LYG1: variants seen among roughly 807,000 people sequenced by gnomAD.
The protein encoded by LYG1 is lysozyme g1, also known as lysozyme g-like protein 1.
LYG1 carries 17 observed loss-of-function variants against 21.7 expected under a neutral mutation model. That is an observed-to-expected ratio of 0.78 (90% CI 0.54 to 1.18). The LOEUF is 1.18. Among genes scored for constraint, LYG1 ranks in the 50% most tolerant of loss-of-function variants. LYG1 has a pLI of 0.00. For synonymous variants in LYG1, 81 were observed against 87.4 expected, an observed-to-expected ratio of 0.93 and a Z score of 0.41; for missense variants, 211 against 238.1, an observed-to-expected ratio of 0.89 and a Z score of 0.75.
rs564113870 is a variant in LYG1, at chr2:99,289,598, G to A, written c.333+1639C>T. On this transcript the variant is annotated intron_variant, in intron 5 of 6. Transcript: ENST00000308528. ...CTTTCACTGCTGCTTCAGCTTAAGG[G>A]TGTAACTCAGTTAATGACTGAGTTA... Among the ~76,000 whole-genome samples the A allele has an allele frequency of 2.0e-5, 3 of 152,278 alleles. No individual in the cohort carries two copies. The East Asian group carries it at 5.8e-4, about 29-fold the overall frequency.
chr2:99,301,335 C>T (rs1289854552), upstream of LYG1, among the ~76,000 whole-genome samples: 1 of 150,602 alleles, frequency 6.6e-6, no homozygotes, highest in East Asian at 1.9e-4. Context: ...AGGTCCAACA[C>T]TTGTCTTTAT....
intron 5 of LYG1, 31 bp downstream of exon 5, chr2:99,291,206 T>C: frequency 4.4e-6 from 7 of 1,602,866 alleles, no homozygotes; most frequent in Non-Finnish European, 6.0e-6. Flanking sequence ...CATAGCAGAA[T>C]GGCCACATGT....
chr2:99,297,618 T>C (rs2094140685), intron 2 of LYG1, among the ~76,000 whole-genome samples: 1 of 152,210 alleles, frequency 6.6e-6, no homozygotes, highest in Non-Finnish European at 1.5e-5. Flanking sequence ...TGCCACTTAA[T>C]GGGAACACAG....
intron 5 of LYG1, among the ~76,000 whole-genome samples, chr2:99,287,733 A>C (rs1424188111): frequency 6.6e-6 from 1 of 151,942 alleles, no homozygotes; most frequent in African/African-American, 2.4e-5. Flanking sequence ...ATGTATTTTA[A>C]ATTTCCATAT....
intron 5 of LYG1, among the ~76,000 whole-genome samples, chr2:99,288,781 G>A (rs2094109818): frequency 6.6e-6 from 1 of 152,086 alleles, no homozygotes; most frequent in Admixed American, 6.6e-5. Context: ...TGTTGGCCAG[G>A]CTGGTTTCAA....
intron 3 of LYG1, among the ~76,000 whole-genome samples, chr2:99,294,064 G>T (rs2094129193): frequency 6.6e-6 from 1 of 152,108 alleles, no homozygotes; most frequent in African/African-American, 2.4e-5. Flanking sequence ...TGGGACCACA[G>T]GCACAAGCCA....
intron 5 of LYG1, among the ~76,000 whole-genome samples, chr2:99,289,371 G>C (rs1018872019): frequency 6.6e-6 from 1 of 151,718 alleles, no homozygotes; most frequent in Non-Finnish European, 1.5e-5. Flanking sequence ...GAGGAGGATC[G>C]TGTGAGCCCA....
intron 2 of LYG1, 113 bp from the exon 3 acceptor site, chr2:99,295,815 C>G: frequency 1.0e-6 from 1 of 1,001,866 alleles, no homozygotes; most frequent in East Asian, 2.4e-5. Context: ...CATATCTGAC[C>G]TAAGAAAATG....
In LYG1 at chr2:99,284,375, T is replaced by C. The variant is rs758316188; in HGVS notation, c.*18A>G. Reference sequence around the variant, plus strand: ...GAGGCTGCATATGTGATCATGGTCTTGGGTTTCATCTGAGATGTTAGAAGC... The same window carrying C: ...GAGGCTGCATATGTGATCATGGTCTCGGGTTTCATCTGAGATGTTAGAAGC... On this transcript the variant is annotated 3_prime_UTR_variant, in exon 7 of 7. Coordinates refer to ENST00000308528, the MANE Select transcript of LYG1 (RefSeq NM_174898.3). 3.7e-6 allele frequency: 6 copies of C among 1,609,468 alleles called. No individual in the cohort carries two copies. In the Middle Eastern group the frequency reaches 5.0e-4, roughly 133 times the overall value.
chr2:99,291,308 C>T lies in LYG1; in HGVS notation c.262G>A (p.Gly88Ser), dbSNP rs769781137. ...KYCMDPAVIAGVLSRKSPGDK... is the reference protein window; with the variant it reads ...KYCMDPAVIASVLSRKSPGDK... ...CCGGGAGACTTCCTGGACAAGACACCAGCGATCACGGCAGGATCCATGCAG... is the reference window on the plus strand; with the variant it reads ...CCGGGAGACTTCCTGGACAAGACACTAGCGATCACGGCAGGATCCATGCAG... Residue 88 changes from glycine (G) to serine (S), a missense_variant, in exon 5 of 7, where the codon GGT becomes AGT. By Grantham distance (56) the Gly-to-Ser change is moderately conservative (BLOSUM62 0). Coordinates refer to ENST00000308528, the MANE Select transcript of LYG1 (RefSeq NM_174898.3). The T allele has an allele frequency of 9.3e-6, 15 of 1,613,500 alleles. No individual in the cohort carries two copies. Among genetic ancestry groups the T allele is most frequent in the Non-Finnish European group, 3.4e-6 (4 of 1,179,642 alleles).
chr2:99,288,706 T>C (rs527254545), intron 5 of LYG1, among the ~76,000 whole-genome samples: 23 of 152,276 alleles, frequency 1.5e-4, no homozygotes, highest in African/African-American at 5.5e-4. Flanking sequence ...GTAGCTGGGA[T>C]TACAGGCACC....
chr2:99,301,426 A>G (rs2094153598), upstream of LYG1, among the ~76,000 whole-genome samples: 1 of 146,252 alleles, frequency 6.8e-6, no homozygotes, highest in Non-Finnish European at 1.5e-5. Context: ...AGTGAGAAGG[A>G]GAGAGAGAGT....
rs938500665 is a variant in LYG1, at chr2:99,284,832, G to A, written c.334-12C>T. 1 of 1,611,782 alleles carries A rather than the reference G, an allele frequency of 6.2e-7. No individual in the cohort carries two copies. Among genetic ancestry groups the A allele is most frequent in the African/African-American group, 1.3e-5 (1 of 74,950 alleles). ...TGAGAGCCAGGGTCCTGCAGGGAAG[G>A]AGGCAGAGAAGAAGCCACGTAAGCT... On this transcript the variant is annotated splice_polypyrimidine_tract_variant and intron_variant, in intron 5 of 6. Transcript: ENST00000308528.
upstream of LYG1, among the ~76,000 whole-genome samples, chr2:99,301,973 G>A (rs1309820167): frequency 6.6e-6 from 1 of 152,228 alleles, no homozygotes. Flanking sequence ...TGGAAAGGGT[G>A]CATTTCATGA....
At chr2:99,300,933 T>G (rs2105304992) in intron 1 of LYG1, 117 bp downstream of exon 1, 1 of 124,292 alleles carries the variant, frequency 8.0e-6, no homozygotes, top group African/African-American at 3.2e-5. Flanking sequence ...AAGTTTCGCC[T>G]GAGTCCAATA....
chr2:99,298,840 T>C (rs1452260468), intron 1 of LYG1, among the ~76,000 whole-genome samples: 1 of 152,226 alleles, frequency 6.6e-6, no homozygotes, highest in African/African-American at 2.4e-5. Context: ...ATTGCTAACA[T>C]GTCTCTGTGT....
At chr2:99,287,292 A>G (rs527384765) in intron 5 of LYG1, among the ~76,000 whole-genome samples, 1 of 152,318 alleles carries the variant, frequency 6.6e-6, no homozygotes, top group East Asian at 1.9e-4. Flanking sequence ...ACCAAATACC[A>G]CATGTTCTCA....
rs1471212451 is a variant in LYG1 at position 99,299,234 on chromosome 2, TTTTTTC to T, written c.-123-691_-123-686del. Among the ~76,000 whole-genome samples, 5 of 150,682 alleles carry T rather than the reference TTTTTTC, an allele frequency of 3.3e-5. No homozygotes were observed. In the South Asian group the frequency reaches 6.3e-4, roughly 19 times the overall value. The stretch of plus-strand genomic sequence containing the variant: ...GAGCCACCGCGCCCAGCCCCTGGGT[TTTTTTC>T]TTTTTCTTTTCTTTTTGTTTTTTCT... On this transcript the variant is annotated intron_variant, in intron 1 of 6. Transcript: ENST00000308528.
upstream of LYG1, among the ~76,000 whole-genome samples, chr2:99,304,399 A>T (rs7579171): frequency 4.6e-5 from 7 of 152,220 alleles, no homozygotes; most frequent in Middle Eastern, 3.4e-3. Flanking sequence ...TCCCCAGACA[A>T]GTGGAACTGT....
Sources: allele counts gnomAD v4.1 joint callset (sites outside exome capture counted in the v4.1 genomes callset), GRCh38; gene constraint gnomAD v4.1.1; transcripts MANE v1.5; gene names NCBI Gene and HGNC (gene_info 2026-07-23, HGNC 2026-07-21).